The following SPAG16 variants were observed in gnomAD, a reference collection of about 807,000 sequenced individuals.
The protein encoded by SPAG16 is sperm-associated antigen 16 protein.
SPAG16 carries 86 observed loss-of-function variants against 80.4 expected under a neutral mutation model. That is an observed-to-expected ratio of 1.07 (90% confidence interval 0.90 to 1.28). SPAG16 has a LOEUF of 1.28. Among genes scored for constraint, SPAG16 ranks in the 50% most tolerant of loss-of-function variants. SPAG16 has a pLI of 0.00. For synonymous variants in SPAG16, 294 were observed against 265.9 expected (o/e 1.11, Z -1.03); for missense variants, 870 against 765.3 (o/e 1.14, Z -1.61).
At chr2:214,135,592 A>C (rs1278545584) in intron 14 of SPAG16, among the ~76,000 whole-genome samples, 1 of 152,132 alleles carries the variant, frequency 6.6e-6, no homozygotes, top group Non-Finnish European at 1.5e-5. Context: ...CATGGGAGCA[A>C]ATCTCTCATG....
At chr2:214,219,362 CAACTTATCAAATAGAATTATTTGAT>C (rs556489339) in intron 15 of SPAG16, among the ~76,000 whole-genome samples, 3,369 of 151,906 alleles carry the variant, frequency 0.022, 76 homozygotes, top group African/African-American at 0.056. Flanking sequence ...AAAAGAGAAA[CAACTTATCAAATAGAATTATTTGAT>C]AACTTATCAA....
chr2:213,408,639 G>C (rs1453830780), intron 9 of SPAG16, among the ~76,000 whole-genome samples: 4 of 152,184 alleles, frequency 2.6e-5, no homozygotes, highest in Non-Finnish European at 5.9e-5. Context: ...TTCCCTTCAG[G>C]ACAGGACCAT....
chr2:214,107,049 T>C (rs2053421696), intron 13 of SPAG16, among the ~76,000 whole-genome samples: 1 of 152,160 alleles, frequency 6.6e-6, no homozygotes, highest in South Asian at 2.1e-4. Context: ...TATACTTTCA[T>C]TCTTTATTCA....
At chr2:213,810,389 T>A (rs1261687237) in intron 10 of SPAG16, among the ~76,000 whole-genome samples, 1 of 152,104 alleles carries the variant, frequency 6.6e-6, no homozygotes, top group Non-Finnish European at 1.5e-5. Context: ...AAGTAATTTA[T>A]TGAAAATTCA....
chr2:214,397,040 T>G (rs989115443), intron 15 of SPAG16, among the ~76,000 whole-genome samples: 26 of 152,142 alleles, frequency 1.7e-4, no homozygotes, highest in African/African-American at 6.0e-4. Context: ...CCAGTGCAGC[T>G]TGCTGTAATT....
chr2:213,430,747 A>C (rs2070241753), intron 9 of SPAG16, among the ~76,000 whole-genome samples: 1 of 152,222 alleles, frequency 6.6e-6, no homozygotes, highest in African/African-American at 2.4e-5. Flanking sequence ...GAAAATATGC[A>C]GCAAGATGGA....
chr2:213,669,572 C>T (rs550111438), intron 10 of SPAG16, among the ~76,000 whole-genome samples: 1 of 152,222 alleles, frequency 6.6e-6, no homozygotes, highest in East Asian at 1.9e-4. Flanking sequence ...AATTATAAAT[C>T]AATAAATACA....
chr2:214,178,993 T>C (rs979648916), intron 15 of SPAG16, among the ~76,000 whole-genome samples: 1 of 151,402 alleles, frequency 6.6e-6, no homozygotes, highest in Non-Finnish European at 1.5e-5. Flanking sequence ...CAAACTAAGA[T>C]GACCCACTCT....
intron 9 of SPAG16, among the ~76,000 whole-genome samples, chr2:213,446,115 A>C (rs1165610179): frequency 6.6e-6 from 1 of 152,222 alleles, no homozygotes; most frequent in Non-Finnish European, 1.5e-5. Flanking sequence ...CAGAGACTCC[A>C]AAGGTTAAAG....
chr2:214,346,532 G>A (rs1698064685), intron 15 of SPAG16, among the ~76,000 whole-genome samples: 1 of 151,958 alleles, frequency 6.6e-6, no homozygotes. Flanking sequence ...TGAAAGGTGG[G>A]GTCTATGTCC....
At chr2:214,010,032 G>A (rs547685905) in intron 12 of SPAG16, among the ~76,000 whole-genome samples, 1 of 118,218 alleles carries the variant, frequency 8.5e-6, no homozygotes, top group South Asian at 2.5e-4. Context: ...TCACACAAAA[G>A]TACTCTGTTT....
chr2:213,358,240 G>T (rs186470130), intron 7 of SPAG16, among the ~76,000 whole-genome samples: 1 of 152,158 alleles, frequency 6.6e-6, no homozygotes, highest in African/African-American at 2.4e-5. Context: ...GTGTCTTAGG[G>T]TTACTCTTCT....
chr2:213,310,284 C>G (rs761488628), intron 4 of SPAG16, 107 bp downstream of exon 4: 1 of 606,814 alleles, frequency 1.6e-6, no homozygotes. Context: ...TGAAAAATGA[C>G]TAGAAACTTT....
At chr2:213,977,309 T>C (rs767492245) in intron 12 of SPAG16, among the ~76,000 whole-genome samples, 3 of 152,052 alleles carry the variant, frequency 2.0e-5, no homozygotes, top group Non-Finnish European at 4.4e-5. Flanking sequence ...TATGCTGTTA[T>C]CTAGGTCCAG....
chr2:214,275,691 G>T (rs978649119), intron 15 of SPAG16, among the ~76,000 whole-genome samples: 1 of 152,050 alleles, frequency 6.6e-6, no homozygotes, highest in South Asian at 2.1e-4. Context: ...TTTACATTTG[G>T]TGAGGAGTGC....
intron 10 of SPAG16, among the ~76,000 whole-genome samples, chr2:213,628,417 A>T (rs1251859278): frequency 1.3e-5 from 2 of 152,134 alleles, no homozygotes; most frequent in East Asian, 3.9e-4. Flanking sequence ...ATGTAGAGGG[A>T]ATTTAGTCTC....
chr2:214,332,451 T>A (rs1247082746), intron 15 of SPAG16, among the ~76,000 whole-genome samples: 1 of 152,090 alleles, frequency 6.6e-6, no homozygotes, highest in Non-Finnish European at 1.5e-5. Flanking sequence ...AACGGCTAAG[T>A]CAATCTGTCT....
chr2:214,039,382 A>G (rs1225558101), intron 13 of SPAG16, among the ~76,000 whole-genome samples: 1 of 152,164 alleles, frequency 6.6e-6, no homozygotes, highest in Non-Finnish European at 1.5e-5. Context: ...CCACTTTTTA[A>G]TGGGGTTGTT....
At chr2:214,071,629 A>G in intron 13 of SPAG16, among the ~76,000 whole-genome samples, 1 of 152,150 alleles carries the variant, frequency 6.6e-6, no homozygotes, top group East Asian at 1.9e-4. Context: ...CTCCATGTTT[A>G]CTGCACCAAT....
Sources: allele counts gnomAD v4.1 joint callset (sites outside exome capture counted in the v4.1 genomes callset), GRCh38; gene constraint gnomAD v4.1.1; transcripts MANE v1.5; gene names NCBI Gene and HGNC (gene_info 2026-07-23, HGNC 2026-07-21).